Variants in AKAP7 observed in about 807,000 individuals in gnomAD.
AKAP7 encodes the protein A kinase (PRKA) anchor protein 7.
A neutral mutation model predicts 39.5 loss-of-function variants in AKAP7; 39 were observed. The ratio of observed to expected loss-of-function variants is 0.99; its 90% CI spans 0.76 to 1.29. AKAP7 has a LOEUF of 1.29. Ranked by LOEUF, AKAP7 falls within the 50% of genes most tolerant of loss-of-function variation. The probability of loss-of-function intolerance (pLI) is 0.00; values close to 1 mark genes in which losing one functional copy is unlikely to be tolerated. For synonymous variants in AKAP7, 140 were observed against 139.1 expected, an observed-to-expected ratio of 1.01 and a Z score of -0.05; for missense variants, 414 against 407.7, an observed-to-expected ratio of 1.02 and a Z score of -0.13.
intron 7 of AKAP7, among the ~76,000 whole-genome samples, chr6:131,224,673 T>G (rs576429132): frequency 7.4e-5 from 11 of 149,648 alleles, no homozygotes; most frequent in African/African-American, 2.7e-4. Flanking sequence ...TTAAGACATC[T>G]TAAAAAAAAA....
chr6:131,136,406 T>C (rs559509629), intron 1 of AKAP7, among the ~76,000 whole-genome samples: 1 of 152,342 alleles, frequency 6.6e-6, no homozygotes, highest in South Asian at 2.1e-4. Context: ...TGCAAGAGTT[T>C]CATAGGATAA....
intron 1 of AKAP7, among the ~76,000 whole-genome samples, chr6:131,137,950 T>C (rs2128222631): frequency 6.6e-6 from 1 of 152,344 alleles, no homozygotes; most frequent in South Asian, 2.1e-4. Context: ...ATCTCCTTTC[T>C]AAAAACTTGG....
intron 5 of AKAP7, among the ~76,000 whole-genome samples, chr6:131,186,270 C>T (rs1186717926): frequency 1.3e-5 from 2 of 152,020 alleles, no homozygotes; most frequent in African/African-American, 2.4e-5. Flanking sequence ...ATTCCTGCTC[C>T]CACCCTGTGA....
At chr6:131,186,744 C>A (rs978261356) in intron 5 of AKAP7, among the ~76,000 whole-genome samples, 2 of 152,034 alleles carry the variant, frequency 1.3e-5, no homozygotes, top group African/African-American at 4.8e-5. Flanking sequence ...GGGACAAAGA[C>A]AAAAGACAAA....
chr6:131,243,404 A>G (rs2128314391), intron 7 of AKAP7, among the ~76,000 whole-genome samples: 1 of 152,326 alleles, frequency 6.6e-6, no homozygotes, highest in Admixed American at 6.5e-5. Flanking sequence ...CAGAATGAAT[A>G]CTGACATGGC....
chr6:131,202,754 TATAATA>T (rs1021832273), intron 6 of AKAP7, among the ~76,000 whole-genome samples: 1 of 151,946 alleles, frequency 6.6e-6, no homozygotes, highest in South Asian at 2.1e-4. Flanking sequence ...AAACTTAAAG[TATAATA>T]ATAATAAAAT....
At chr6:131,276,798 C>T (rs1814779648) in intron 7 of AKAP7, among the ~76,000 whole-genome samples, 1 of 152,098 alleles carries the variant, frequency 6.6e-6, no homozygotes, top group South Asian at 2.1e-4. Context: ...GTTCCCTTTT[C>T]CAAAAAATTA....
chr6:131,208,547 A>G (rs1442700791), intron 6 of AKAP7, among the ~76,000 whole-genome samples: 1 of 152,256 alleles, frequency 6.6e-6, no homozygotes, highest in Non-Finnish European at 1.5e-5. Flanking sequence ...GATTTGAAGC[A>G]AGTATCTTCA....
intron 5 of AKAP7, among the ~76,000 whole-genome samples, chr6:131,192,237 C>A (rs1806479701): frequency 6.6e-6 from 1 of 152,142 alleles, no homozygotes; most frequent in Non-Finnish European, 1.5e-5. Flanking sequence ...AGATTTAAGT[C>A]TTTAATCCAT....
chr6:131,273,395 G>C (rs964497969), intron 7 of AKAP7, among the ~76,000 whole-genome samples: 1 of 151,954 alleles, frequency 6.6e-6, no homozygotes, highest in Non-Finnish European at 1.5e-5. Flanking sequence ...TCTGTTCTTT[G>C]CTTCTTTTTC....
intron 7 of AKAP7, among the ~76,000 whole-genome samples, chr6:131,269,211 A>G (rs1814068887): frequency 6.6e-6 from 1 of 152,052 alleles, no homozygotes; most frequent in African/African-American, 2.4e-5. Flanking sequence ...TACAGACATG[A>G]GCCACCACGC....
At chr6:131,184,771 T>C in intron 5 of AKAP7, 1 of 1,206,170 alleles carries the variant, frequency 8.3e-7, no homozygotes. Context: ...TGGTTGGGAG[T>C]CTTCTTTGTC....
upstream of AKAP7, among the ~76,000 whole-genome samples, chr6:131,133,785 C>T (rs185445041): frequency 1.2e-3 from 177 of 152,192 alleles, 1 homozygote; most frequent in African/African-American, 4.0e-3. Flanking sequence ...ACTAAAAGCC[C>T]GAAGAGGCAG....
At chr6:131,264,154 T>C (rs1813587214) in intron 7 of AKAP7, among the ~76,000 whole-genome samples, 1 of 152,150 alleles carries the variant, frequency 6.6e-6, no homozygotes, top group African/African-American at 2.4e-5. Context: ...TGACTGAAAG[T>C]ATGTGTTGAT....
chr6:131,261,070 C>T (rs1007090163), intron 7 of AKAP7, among the ~76,000 whole-genome samples: 5 of 152,086 alleles, frequency 3.3e-5, no homozygotes, highest in Non-Finnish European at 7.3e-5. Context: ...GTGGCACATG[C>T]CTGTAATCGC....
intron 5 of AKAP7, among the ~76,000 whole-genome samples, chr6:131,179,575 A>G (rs1409705175): frequency 2.6e-5 from 4 of 152,186 alleles, no homozygotes; most frequent in Admixed American, 1.3e-4. Flanking sequence ...AGTACTGTCT[A>G]TAATGTGTGA....
At chr6:131,179,341 G>C (rs372293411) in intron 5 of AKAP7, among the ~76,000 whole-genome samples, 1 of 151,930 alleles carries the variant, frequency 6.6e-6, no homozygotes. Flanking sequence ...ACCCAGCTAA[G>C]TTTTGTGTTT....
At chr6:131,185,232 G>T in intron 5 of AKAP7, 1 of 473,068 alleles carries the variant, frequency 2.1e-6, no homozygotes, top group South Asian at 1.9e-5. Flanking sequence ...ATCTTCACAG[G>T]GGTGGGCTCA....
At chr6:131,148,853 C>T (rs1801685430) in intron 2 of AKAP7, among the ~76,000 whole-genome samples, 1 of 152,124 alleles carries the variant, frequency 6.6e-6, no homozygotes, top group Non-Finnish European at 1.5e-5. Flanking sequence ...CTTTCTTGTA[C>T]ATTTAGTAAT....
Sources: allele counts gnomAD v4.1 joint callset (sites outside exome capture counted in the v4.1 genomes callset), GRCh38; gene constraint gnomAD v4.1.1; transcripts MANE v1.5; gene names NCBI Gene and HGNC (gene_info 2026-07-23, HGNC 2026-07-21).